The following CNTN4 variants were observed in gnomAD, a reference collection of about 807,000 sequenced individuals.
CNTN4 encodes contactin-4.
Under a neutral mutation model 122.5 loss-of-function variants are expected in CNTN4, and 77 were observed. The ratio of observed to expected loss-of-function variants is 0.63; its 90% CI spans 0.52 to 0.76. The LOEUF (loss-of-function observed/expected upper bound fraction) is 0.76. CNTN4 is among the 30% of genes least tolerant of loss of function. The pLI, the probability that CNTN4 is intolerant of heterozygous loss-of-function variation, is 0.00. For synonymous variants in CNTN4, 512 were observed against 447.0 expected (o/e 1.15, Z -1.83); for missense variants, 1,256 against 1,259.1 (o/e 1.00, Z 0.04).
chr3:2,547,062 G>A (rs761554520), intron 3 of CNTN4, among the ~76,000 whole-genome samples: 19 of 151,928 alleles, frequency 1.3e-4, no homozygotes, highest in African/African-American at 3.9e-4. Flanking sequence ...CCACAGATTC[G>A]ATGTAGGTGA....
intron 14 of CNTN4, among the ~76,000 whole-genome samples, chr3:3,003,418 T>C (rs1405781287): frequency 1.3e-5 from 2 of 151,970 alleles, no homozygotes; most frequent in African/African-American, 4.8e-5. Flanking sequence ...TTAAAAGAAA[T>C]GAAGTACTGA....
At chr3:2,558,430 A>G (rs1328915144) in intron 3 of CNTN4, among the ~76,000 whole-genome samples, 1 of 152,064 alleles carries the variant, frequency 6.6e-6, no homozygotes, top group Non-Finnish European at 1.5e-5. Context: ...GAAAACTACT[A>G]GTCAATCTTG....
intron 10 of CNTN4, among the ~76,000 whole-genome samples, chr3:2,888,168 A>G (rs1447308899): frequency 6.6e-6 from 1 of 152,220 alleles, no homozygotes; most frequent in Non-Finnish European, 1.5e-5. Context: ...GTTTTAAGAT[A>G]TGACCGAAGT....
intron 4 of CNTN4, among the ~76,000 whole-genome samples, chr3:2,600,704 G>T (rs1396852584): frequency 6.6e-6 from 1 of 152,134 alleles, no homozygotes; most frequent in East Asian, 1.9e-4. Flanking sequence ...ATAGTCCTTT[G>T]GGTATATACC....
At chr3:2,969,764 A>G (rs1166055211) in intron 13 of CNTN4, among the ~76,000 whole-genome samples, 1 of 152,122 alleles carries the variant, frequency 6.6e-6, no homozygotes, top group Non-Finnish European at 1.5e-5. Flanking sequence ...TTCTTATTTT[A>G]TTGTTGGGGA....
At chr3:2,933,979 A>G (rs6442768) in intron 13 of CNTN4, among the ~76,000 whole-genome samples, 110,920 of 151,974 alleles carry the variant, frequency 0.73, 40,667 homozygotes, top group Middle Eastern at 0.82. Flanking sequence ...AGGAGACTCA[A>G]AGAGGTGGGA....
chr3:2,674,782 A>G (rs1559374256), intron 4 of CNTN4, among the ~76,000 whole-genome samples: 1 of 60,482 alleles, frequency 1.7e-5, no homozygotes, highest in Non-Finnish European at 3.3e-5. Context: ...CAAAAAAACA[A>G]AAAAAAAAAA....
At chr3:2,659,581 C>A (rs1220102850) in intron 4 of CNTN4, among the ~76,000 whole-genome samples, 1 of 151,744 alleles carries the variant, frequency 6.6e-6, no homozygotes, top group Non-Finnish European at 1.5e-5. Flanking sequence ...CTCTTATGTC[C>A]TATAAAGATC....
chr3:2,815,393 G>GA (rs1270376999), intron 6 of CNTN4, among the ~76,000 whole-genome samples: 1 of 151,728 alleles, frequency 6.6e-6, no homozygotes, highest in African/African-American at 2.4e-5. Flanking sequence ...AAATCAATAA[G>GA]AAAAAAATCA....
intron 7 of CNTN4, among the ~76,000 whole-genome samples, chr3:2,845,967 A>C (rs968784038): frequency 1.3e-5 from 2 of 152,240 alleles, no homozygotes; most frequent in East Asian, 3.8e-4. Context: ...TTATTATGAC[A>C]GTGTGATCAT....
intron 3 of CNTN4, among the ~76,000 whole-genome samples, chr3:2,475,873 C>T (rs1382200657): frequency 6.6e-6 from 1 of 152,148 alleles, no homozygotes; most frequent in Non-Finnish European, 1.5e-5. Flanking sequence ...ATATGCTCTA[C>T]ACAGTGGATC....
At chr3:2,919,475 T>C (rs1416869232) in intron 12 of CNTN4, among the ~76,000 whole-genome samples, 1 of 152,010 alleles carries the variant, frequency 6.6e-6, no homozygotes, top group Non-Finnish European at 1.5e-5. Flanking sequence ...CCAAGGGATA[T>C]ACAGATCCAG....
chr3:2,331,590 C>T (rs889250053), intron 2 of CNTN4, among the ~76,000 whole-genome samples: 1 of 152,084 alleles, frequency 6.6e-6, no homozygotes, highest in Admixed American at 6.6e-5. Context: ...CACCTGATAG[C>T]AATAAATGAC....
chr3:2,455,163 A>G (rs953827983), intron 3 of CNTN4, among the ~76,000 whole-genome samples: 6 of 152,158 alleles, frequency 3.9e-5, no homozygotes, highest in Non-Finnish European at 8.8e-5. Context: ...CTTCCAGTAA[A>G]GGGCTGCCAT....
At chr3:2,735,249 G>A (rs1031084575) in intron 4 of CNTN4, among the ~76,000 whole-genome samples, 2 of 152,188 alleles carry the variant, frequency 1.3e-5, no homozygotes, top group African/African-American at 2.4e-5. Context: ...AAAAGAATTT[G>A]AACTTGATTT....
chr3:2,994,708 T>C (rs548381783), intron 14 of CNTN4, among the ~76,000 whole-genome samples: 97 of 152,062 alleles, frequency 6.4e-4, no homozygotes, highest in African/African-American at 2.2e-3. Context: ...CTGTAGGACA[T>C]TGGGAAATAT....
chr3:2,886,012 C>A lies in CNTN4; in HGVS notation c.756-1028C>A, dbSNP rs1577155284. Among the ~76,000 whole-genome samples the A allele has an allele frequency of 2.0e-5, 3 of 152,078 alleles. No homozygotes were observed. The South Asian group carries it at 6.2e-4, about 32-fold the overall frequency. On this transcript the variant is annotated intron_variant, in intron 9 of 24. Coordinates refer to ENST00000418658, the MANE Select transcript of CNTN4 (RefSeq NM_175607.3). ...AGCAGAAGCTGCCAGTTTCTTAACACCTGAGCTTTGATCCTGCAACATCAC... is the reference window on the plus strand; with the variant it reads ...AGCAGAAGCTGCCAGTTTCTTAACAACTGAGCTTTGATCCTGCAACATCAC...
At chr3:2,153,782 T>C (rs1482446733) in intron 2 of CNTN4, among the ~76,000 whole-genome samples, 1 of 152,120 alleles carries the variant, frequency 6.6e-6, no homozygotes, top group Non-Finnish European at 1.5e-5. Context: ...GCTATTTCTG[T>C]TTCCTAGGTG....
chr3:2,980,395 C>A lies in CNTN4; in HGVS notation c.1359-7950C>A, dbSNP rs955779752. 2.3e-5 allele frequency among the ~76,000 whole-genome samples: 3 copies of A among 128,864 alleles called. No homozygotes were observed. In the Admixed American group the frequency reaches 2.4e-4, roughly 10 times the overall value. The allele number at this position is 128,864 out of a possible 152,430, so 84.5% of individuals were successfully genotyped here. On this transcript the variant is annotated intron_variant, in intron 13 of 24. Transcript: ENST00000418658. ...GGACTAACCTGTTCTAAGCCAAGAA[C>A]AGATTTACATTTTCAATTCTTTTCA...
Sources: allele counts gnomAD v4.1 joint callset (sites outside exome capture counted in the v4.1 genomes callset), GRCh38; gene constraint gnomAD v4.1.1; transcripts MANE v1.5; gene names NCBI Gene and HGNC (gene_info 2026-07-23, HGNC 2026-07-21).